The following ERBB4 variants were observed in gnomAD, a reference collection of about 807,000 sequenced individuals.
ERBB4 encodes receptor tyrosine-protein kinase erbB-4.
ERBB4 carries 42 observed loss-of-function variants against 158.0 expected under a neutral mutation model. That is an observed-to-expected ratio of 0.27 (90% confidence interval 0.21 to 0.34). ERBB4 has a LOEUF of 0.34. Ranked by LOEUF, ERBB4 falls within the 10% of genes least tolerant of loss-of-function variation. The pLI, the probability that ERBB4 is intolerant of heterozygous loss-of-function variation, is 1.00. For missense variants in ERBB4, 1,333 were observed against 1,624.1 expected (o/e 0.82, Z 3.08); for synonymous variants, 583 against 558.7 (o/e 1.04, Z -0.61).
intron 16 of ERBB4, among the ~76,000 whole-genome samples, chr2:211,653,478 C>CG (rs2071084545): frequency 7.6e-6 from 1 of 131,442 alleles, no homozygotes. Flanking sequence ...CCCGCACCCG[C>CG]CCCCCCCCAC....
intron 2 of ERBB4, among the ~76,000 whole-genome samples, chr2:212,057,683 G>C (rs993220023): frequency 6.6e-5 from 10 of 152,184 alleles, no homozygotes; most frequent in Admixed American, 5.9e-4. Context: ...AATGACTTCT[G>C]GGTACATAAT....
At chr2:212,156,639 CA>C (rs1237458795) in intron 1 of ERBB4, among the ~76,000 whole-genome samples, 1 of 152,064 alleles carries the variant, frequency 6.6e-6, no homozygotes, top group African/African-American at 2.4e-5. Context: ...CTGTATTTTT[CA>C]TTGTCTTTTT....
At chr2:211,428,607 T>C (rs2063685125) in intron 21 of ERBB4, 124 bp from the exon 22 acceptor site, 3 of 513,018 alleles carry the variant, frequency 5.8e-6, no homozygotes. Flanking sequence ...TGTATAGATA[T>C]AACTATAACT....
intron 1 of ERBB4, among the ~76,000 whole-genome samples, chr2:212,527,225 CATATTT>C (rs543168007): frequency 8.9e-4 from 136 of 152,166 alleles, no homozygotes; most frequent in African/African-American, 2.8e-3. Context: ...TAGGCATACT[CATATTT>C]AGAGAGAAAA....
chr2:212,454,491 G>T (rs1025609068), intron 1 of ERBB4, among the ~76,000 whole-genome samples: 6 of 152,146 alleles, frequency 3.9e-5, no homozygotes, highest in Admixed American at 3.9e-4. Context: ...ATAAACCACA[G>T]ACTTTGTTAG....
intron 20 of ERBB4, among the ~76,000 whole-genome samples, chr2:211,524,272 G>A (rs747114484): frequency 5.9e-5 from 9 of 152,176 alleles, no homozygotes; most frequent in Non-Finnish European, 1.3e-4. Context: ...AGACATAAAG[G>A]TTCTCCACCT....
In ERBB4 at chr2:212,378,797, G is replaced by C. The variant is rs867192416; in HGVS notation, c.82+159652C>G. ...TATATCATATGCATTACCAATGTTC[G>C]AGTTAACAATTTATAAACTTCTGCA... On this transcript the variant is annotated intron_variant, in intron 1 of 27. Transcript: ENST00000342788. Among the ~76,000 whole-genome samples the C allele has an allele frequency of 3.3e-5, 5 of 151,740 alleles. No homozygotes were observed. In the South Asian group the frequency reaches 8.3e-4, roughly 25 times the overall value.
intron 1 of ERBB4, among the ~76,000 whole-genome samples, chr2:212,533,945 T>A (rs910651137): frequency 1.3e-5 from 2 of 152,184 alleles, no homozygotes; most frequent in Admixed American, 6.5e-5. Flanking sequence ...AATATTAGCA[T>A]CTCAACAAAG....
At chr2:212,169,398 C>A (rs984124524) in intron 1 of ERBB4, among the ~76,000 whole-genome samples, 7 of 151,982 alleles carry the variant, frequency 4.6e-5, no homozygotes, top group Admixed American at 1.3e-4. Context: ...CTGACAAAAA[C>A]AAGCAATGGG....
At chr2:211,482,761 C>T (rs1034731530) in intron 20 of ERBB4, among the ~76,000 whole-genome samples, 3 of 151,928 alleles carry the variant, frequency 2.0e-5, no homozygotes, top group South Asian at 2.1e-4. Context: ...CAAAAATAGC[C>T]GGGCGTGGTG....
intron 4 of ERBB4, among the ~76,000 whole-genome samples, chr2:211,767,582 G>A (rs962261887): frequency 6.6e-6 from 1 of 152,136 alleles, no homozygotes; most frequent in East Asian, 1.9e-4. Context: ...GAAGCCTCAG[G>A]AAACTTACAG....
intron 1 of ERBB4, among the ~76,000 whole-genome samples, chr2:212,135,321 A>G (rs1481331214): frequency 6.6e-6 from 1 of 152,194 alleles, no homozygotes; most frequent in Non-Finnish European, 1.5e-5. Context: ...TCTATGAGTA[A>G]TATGGTTTTT....
At chr2:211,686,393 T>C (rs1218288295) in intron 12 of ERBB4, among the ~76,000 whole-genome samples, 1 of 152,230 alleles carries the variant, frequency 6.6e-6, no homozygotes, top group African/African-American at 2.4e-5. Flanking sequence ...GCTGTTAATA[T>C]ATTACATTTT....
intron 4 of ERBB4, among the ~76,000 whole-genome samples, chr2:211,775,268 A>G (rs1029873233): frequency 6.6e-6 from 1 of 152,158 alleles, no homozygotes; most frequent in Non-Finnish European, 1.5e-5. Context: ...GTTCTTGAGT[A>G]GCTCGTCTGG....
chr2:211,527,467 G>T (rs907350227), intron 20 of ERBB4, among the ~76,000 whole-genome samples: 2 of 152,020 alleles, frequency 1.3e-5, no homozygotes, highest in African/African-American at 2.4e-5. Flanking sequence ...CTTCAACTGG[G>T]AAGAAAAGCA....
At chr2:211,509,582 C>T (rs1190183998) in intron 20 of ERBB4, among the ~76,000 whole-genome samples, 1 of 151,778 alleles carries the variant, frequency 6.6e-6, no homozygotes, top group Non-Finnish European at 1.5e-5. Context: ...ACAACAAAAA[C>T]AAAAAATGGT....
At chr2:211,465,759 C>T (rs554858176) in intron 20 of ERBB4, among the ~76,000 whole-genome samples, 6 of 152,260 alleles carry the variant, frequency 3.9e-5, no homozygotes, top group East Asian at 3.9e-4. Context: ...CAACCCACTA[C>T]GAGAAAATTC....
At chr2:212,249,915 G>C (rs2084467551) in intron 1 of ERBB4, among the ~76,000 whole-genome samples, 1 of 151,950 alleles carries the variant, frequency 6.6e-6, no homozygotes, top group Non-Finnish European at 1.5e-5. Flanking sequence ...ATGTCAAAGA[G>C]CTTATATGCA....
intron 20 of ERBB4, among the ~76,000 whole-genome samples, chr2:211,537,562 G>A (rs1413061756): frequency 2.0e-5 from 3 of 151,814 alleles, no homozygotes; most frequent in Non-Finnish European, 4.4e-5. Context: ...TAGGTTTCTA[G>A]GTACTTTTAT....
Sources: gnomAD v4.1 joint callset for allele counts (sites outside exome capture counted in the v4.1 genomes callset) on GRCh38, gnomAD v4.1.1 for gene constraint, MANE v1.5 for transcripts, NCBI Gene and HGNC (gene_info 2026-07-23, HGNC 2026-07-21) for gene names.